The following NLRC3 variants were observed in gnomAD, a reference collection of about 807,000 sequenced individuals.
The protein encoded by NLRC3 is NLR family CARD domain containing 3.
A neutral mutation model predicts 91.6 loss-of-function variants in NLRC3; 87 were observed. The observed-to-expected ratio is 0.95, with a 90% CI of 0.80 to 1.14. NLRC3 has a LOEUF of 1.14. NLRC3 is among the 50% of genes most tolerant of loss of function. NLRC3 has a pLI of 0.00. For missense variants in NLRC3, 1,577 were observed against 1,418.6 expected, an observed-to-expected ratio of 1.11 and a Z score of -1.79; for synonymous variants, 694 against 625.3, an observed-to-expected ratio of 1.11 and a Z score of -1.64.
chr16:3,542,384 A>G (rs563024375), intron 18 of NLRC3, 110 bp from the exon 19 acceptor site: 3 of 738,130 alleles, frequency 4.1e-6, no homozygotes. Flanking sequence ...AGATGTGTCC[A>G]CAGGTGCCAT....
Position 3,563,223 on chromosome 16 carries a change from G to A in NLRC3, c.1714C>T (p.His572Tyr). Residue 572 changes from histidine to tyrosine, a missense_variant, in exon 5 of 20, where the codon CAT becomes TAT. Physicochemically the swap from His to Tyr is moderately conservative, Grantham distance 83. Transcript: ENST00000359128. ...ARAINVLHCL[H>Y]ELQHTELARS... ...GCCAGCTCGGTGTGCTGCAGCTCAT[G>A]CAGGCAGTGCAACACGTTGATGGCC... 6.2e-7 allele frequency: 1 copy of A among 1,602,898 alleles called. No individual in the cohort carries two copies. Among genetic ancestry groups the A allele is most frequent in the Non-Finnish European group, 8.5e-7 (1 of 1,177,104 alleles).
intron 1 of NLRC3, among the ~76,000 whole-genome samples, chr16:3,574,645 G>T (rs1419409874): frequency 6.6e-6 from 1 of 152,128 alleles, no homozygotes; most frequent in Non-Finnish European, 1.5e-5. Context: ...TGGGTCCAGG[G>T]TTGCCAGATT....
Position 3,558,457 on chromosome 16 carries a change from T to G in NLRC3, c.2016-781A>C, listed in dbSNP as rs192607557. Reference sequence around the variant, plus strand: ...TCCACCTTGCAAAATTCCTGAAAATTTAACAATCAGCTTTCGTGAACTGGT... The same window carrying G: ...TCCACCTTGCAAAATTCCTGAAAATGTAACAATCAGCTTTCGTGAACTGGT... On this transcript the variant is annotated intron_variant, in intron 6 of 19. Transcript: ENST00000359128. 7.9e-5 allele frequency among the ~76,000 whole-genome samples: 12 copies of G among 152,186 alleles called. No individual in the cohort carries two copies. In the East Asian group the frequency reaches 2.3e-3, roughly 29 times the overall value.
chr16:3,551,710 T>C (rs2039017022), intron 10 of NLRC3, among the ~76,000 whole-genome samples: 1 of 140,886 alleles, frequency 7.1e-6, no homozygotes, highest in Non-Finnish European at 1.5e-5. Flanking sequence ...CACTCAGTCA[T>C]TCATCTACTC....
rs777931909 is a variant in NLRC3, at chr16:3,561,687, C to T, written c.2015+15G>A. On this transcript the variant is annotated intron_variant, in intron 6 of 19. Transcript: ENST00000359128. ...AGACCATAGGCACCCTGGAGGTCCC[C>T]TGGGTCTGTGTTACCTGATCTTCTG... 3 of 1,592,562 alleles carry T rather than the reference C, an allele frequency of 1.9e-6. No homozygotes were observed. Among genetic ancestry groups the T allele is most frequent in the Admixed American group, 1.7e-5 (1 of 59,980 alleles).
In NLRC3 at chr16:3,549,192, G is replaced by T; in HGVS notation, c.2553C>A (p.Ala851=). The change falls in exon 13 of 20, where the codon GCC becomes GCA. Residue 851 remains alanine, a synonymous_variant. Transcript: ENST00000359128. ...LRENSISPEG[A]QAIAHALCAN... is the part of the protein sequence containing the mutation. ...CGCAGAGGGCATGAGCGATGGCCTG[G>T]GCTCCCTCGGGACTGATGGAGTTTT... 6.3e-7 allele frequency: 1 copy of T among 1,588,716 alleles called. No homozygotes were observed. Among genetic ancestry groups the T allele is most frequent in the Non-Finnish European group, 8.6e-7 (1 of 1,167,372 alleles).
At chr16:3,548,260 T>C (rs2151084671) in intron 14 of NLRC3, 42 bp from the exon 15 acceptor site, 2 of 1,489,610 alleles carry the variant, frequency 1.3e-6, no homozygotes, top group Non-Finnish European at 1.8e-6. Context: ...ACTATGTGAC[T>C]ATGTGGCCCT....
At chr16:3,561,562 A>G in intron 6 of NLRC3, 140 bp downstream of exon 6, 1 of 602,446 alleles carries the variant, frequency 1.7e-6, no homozygotes, top group South Asian at 1.9e-5. Flanking sequence ...AGAAACAAGC[A>G]GGCTGCATCT....
chr16:3,565,736 CG>C (rs939600188), intron 2 of NLRC3, among the ~76,000 whole-genome samples: 11 of 152,114 alleles, frequency 7.2e-5, no homozygotes, highest in Admixed American at 2.6e-4. Context: ...ACCCACAGAA[CG>C]TACAACTCCA....
Position 3,539,676 on chromosome 16 carries a change from A to T in NLRC3, c.*2149T>A, listed in dbSNP as rs937277743. 1.3e-5 allele frequency: 2 copies of T among 152,186 alleles called. No homozygotes were observed. Among genetic ancestry groups the T allele is most frequent in the Non-Finnish European group, 2.9e-5 (2 of 68,026 alleles). 9.4% of individuals were successfully genotyped at this position (152,186 alleles called of 1,614,324 possible). A position where few individuals can be genotyped will look rare whatever the true frequency, so the allele number is the denominator to read the frequency against. On this transcript the variant is annotated 3_prime_UTR_variant, in exon 20 of 20. Transcript: ENST00000359128. The stretch of plus-strand genomic sequence containing the variant: ...GTACTAAAACAGCTGTCAATCTAGA[A>T]ATCTCTGCCCCGCAAAAACTGTCAT...
At chr16:3,543,170 C>G (rs1238267513) in intron 17 of NLRC3, 1 of 509,828 alleles carries the variant, frequency 2.0e-6, no homozygotes, top group Non-Finnish European at 3.6e-6. Context: ...AGAACAAGAT[C>G]AGCCCCCCTG....
chr16:3,555,971 T>A (rs1239567500), intron 8 of NLRC3: 2 of 147,192 alleles, frequency 1.4e-5, no homozygotes, highest in Non-Finnish European at 3.0e-5. Flanking sequence ...AATAAATAAA[T>A]GAAAACAGAA....
chr16:3,563,899 C>T lies in NLRC3; in HGVS notation c.1038G>A (p.Arg346=), dbSNP rs1325598404. ...ACAGCTCTGCATCCTGGGGCCCCGT[C>T]CTGCTGCGCCACAGGTGGCCTAGCG... ...GMALGHLWRS[R]TGPQDAELWP... Residue 346 remains arginine, a synonymous_variant, in exon 5 of 20, where the codon AGG becomes AGA. Coordinates refer to ENST00000359128, the MANE Select transcript of NLRC3 (RefSeq NM_178844.4). The T allele has an allele frequency of 1.3e-6, 2 of 1,595,722 alleles. No homozygotes were observed. Among genetic ancestry groups the T allele is most frequent in the South Asian group, 1.1e-5 (1 of 88,428 alleles).
At chr16:3,551,017 T>C (rs60361264) in intron 10 of NLRC3, among the ~76,000 whole-genome samples, 2,792 of 150,470 alleles carry the variant, frequency 0.019, 91 homozygotes, top group African/African-American at 0.061. Flanking sequence ...ATCCACCTAC[T>C]CACCTACCCA....
rs766372504 is a variant in NLRC3 at position 3,564,850 on chromosome 16, C to G, written c.178+9G>C. On this transcript the variant is annotated intron_variant, in intron 4 of 19. Transcript: ENST00000359128. This position sits in a 1 kb window ranked among gnomAD's most constrained non-coding sequence, Gnocchi z 5.9. ...CCCACCCCGCGTCTGCCTCCCAAGCCGGTCCTACCATTGCTGCAGGGCCCC... is the reference window on the plus strand; with the variant it reads ...CCCACCCCGCGTCTGCCTCCCAAGCGGGTCCTACCATTGCTGCAGGGCCCC... 6 of 1,596,972 alleles carry G rather than the reference C, an allele frequency of 3.8e-6. No individual in the cohort carries two copies. The highest frequency in any genetic ancestry group is 4.3e-6 in the Non-Finnish European group (5 of 1,171,778).
intron 1 of NLRC3, among the ~76,000 whole-genome samples, chr16:3,572,065 A>G (rs1233424448): frequency 6.6e-6 from 1 of 152,070 alleles, no homozygotes; most frequent in African/African-American, 2.4e-5. Flanking sequence ...TCCTTAATAT[A>G]TAAAGAACTT....
rs550640409 is a variant in NLRC3, at chr16:3,550,478, C to G, written c.2371G>C (p.Gly791Arg). The change falls in exon 11 of 20, where the codon GGT becomes CGT. Residue 791 changes from glycine (G) to arginine (R), a missense_variant. Transcript: ENST00000359128. The stretch of plus-strand genomic sequence containing the variant: ...GCCAGGGCCTTGGCACCTCCATCAC[C>G]AATACTATTACTGGAGAACCTGCAA... ...KELMFSSNSI[G>R]DGGAKALAEA... 2.5e-6 allele frequency: 4 copies of G among 1,612,972 alleles called. No homozygotes were observed. The East Asian group carries it at 8.9e-5, about 36-fold the overall frequency.
intron 5 of NLRC3, among the ~76,000 whole-genome samples, chr16:3,562,647 A>T (rs2039661935): frequency 1.3e-5 from 2 of 152,108 alleles, no homozygotes; most frequent in Non-Finnish European, 1.5e-5. Flanking sequence ...TCTCAAAAAA[A>T]AAGAGAGGAC....
intron 1 of NLRC3, among the ~76,000 whole-genome samples, chr16:3,575,924 AT>A (rs1259639130): frequency 6.6e-6 from 1 of 152,100 alleles, no homozygotes; most frequent in Non-Finnish European, 1.5e-5. Flanking sequence ...GGGCCTTGGA[AT>A]TCAGGACTCG....
Sources: allele counts gnomAD v4.1 joint callset (sites outside exome capture counted in the v4.1 genomes callset), GRCh38; gene constraint gnomAD v4.1.1; non-coding constraint Gnocchi (gnomAD v3.1); transcripts MANE v1.5; gene names NCBI Gene and HGNC (gene_info 2026-07-23, HGNC 2026-07-21).